The following SLC4A7 variants were observed in gnomAD, a reference collection of about 807,000 sequenced individuals.
SLC4A7 encodes the protein sodium bicarbonate cotransporter 3.
In SLC4A7, 51 loss-of-function variants were observed where a neutral mutation model predicts 137.6. That is an observed-to-expected ratio of 0.37 (90% confidence interval 0.30 to 0.47). SLC4A7 has a LOEUF of 0.47. Ranked by LOEUF, SLC4A7 falls within the 20% of genes least tolerant of loss-of-function variation. The pLI is 1.00. For synonymous variants in SLC4A7, 542 were observed against 518.6 expected (o/e 1.05, Z -0.61); for missense variants, 1,247 against 1,525.4 (o/e 0.82, Z 3.04).
intron 13 of SLC4A7, among the ~76,000 whole-genome samples, chr3:27,406,646 G>A (rs2150182283): frequency 1.3e-5 from 2 of 152,276 alleles, no homozygotes; most frequent in Middle Eastern, 6.8e-3. Flanking sequence ...GGAAAAAAAT[G>A]GGCCGGGCAC....
chr3:27,478,679 G>A (rs547495771), intron 1 of SLC4A7, among the ~76,000 whole-genome samples: 8 of 151,850 alleles, frequency 5.3e-5, no homozygotes, highest in African/African-American at 1.9e-4. Context: ...GAAGAAATCT[G>A]AAAATCTGCT....
chr3:27,401,916 T>C (rs1352547145), intron 15 of SLC4A7, among the ~76,000 whole-genome samples: 1 of 152,148 alleles, frequency 6.6e-6, no homozygotes, highest in African/African-American at 2.4e-5. Flanking sequence ...ATGAAGATAG[T>C]ATATAACAGA....
At chr3:27,395,802 T>C (rs2052092539) in intron 18 of SLC4A7, among the ~76,000 whole-genome samples, 1 of 152,230 alleles carries the variant, frequency 6.6e-6, no homozygotes. Context: ...TTTCCACATG[T>C]TCCTGCATAA....
In SLC4A7 at chr3:27,421,719, C is replaced by G; in HGVS notation, c.1327G>C (p.Gly443Arg). 6.2e-7 allele frequency: 1 copy of G among 1,613,652 alleles called. No individual in the cohort carries two copies. The highest frequency in any genetic ancestry group is 8.5e-7 in the Non-Finnish European group (1 of 1,179,784). The change falls in exon 9 of 26, where the codon GGC becomes CGC. Residue 443 changes from glycine (G) to arginine (R), a missense_variant. Around this residue, in one of 6 missense-constraint regions of SLC4A7, gnomAD observed 499 missense variants for 664.2 expected, o/e 0.75. Coordinates refer to ENST00000454389, the MANE Select transcript of SLC4A7 (RefSeq NM_001321103.2). Reference sequence around the variant, plus strand: ...GGCCTTTCCAAAAAGTCTACTTCGCCCACCAGGACGTTGGATGCCTCAGCA... The same window carrying G: ...GGCCTTTCCAAAAAGTCTACTTCGCGCACCAGGACGTTGGATGCCTCAGCA... ...TGAEASNVLV[G>R]EVDFLERPII...
chr3:27,392,118 A>G (rs1258257563), intron 20 of SLC4A7, among the ~76,000 whole-genome samples: 1 of 152,208 alleles, frequency 6.6e-6, no homozygotes, highest in African/African-American at 2.4e-5. Context: ...TAAAGATTCA[A>G]TGACTTCAAA....
chr3:27,446,894 G>GTTTTTTTT (rs1343210509), intron 3 of SLC4A7, among the ~76,000 whole-genome samples: 8 of 43,452 alleles, frequency 1.8e-4, no homozygotes, highest in Non-Finnish European at 3.4e-4. Flanking sequence ...TGTTTTTTTT[G>GTTTTTTTT]TTTTTTTTAA....
chr3:27,418,535 T>C lies in SLC4A7; in HGVS notation c.1610A>G (p.Glu537Gly), dbSNP rs1262021718. The change falls in exon 11 of 26, where the codon GAG becomes GGG. Residue 537 changes from glutamate (E) to glycine (G), a missense_variant. Physicochemically the swap from Glu to Gly is moderately conservative, Grantham distance 98. Transcript: ENST00000454389. ...TTCTATGCGTATAGAAGGATCCCAC[T>C]CTCCTGGAGGTAGGACAGTTACTTG... ...LDQVTVLPPGEWDPSIRIEPP... is the reference protein window; with the variant it reads ...LDQVTVLPPGGWDPSIRIEPP... 1 of 1,611,358 alleles carries C rather than the reference T, an allele frequency of 6.2e-7. No individual in the cohort carries two copies. Among genetic ancestry groups the C allele is most frequent in the Non-Finnish European group, 8.5e-7 (1 of 1,177,702 alleles).
chr3:27,400,629 T>C lies in SLC4A7; in HGVS notation c.2427+135A>G, dbSNP rs574623816. The stretch of plus-strand genomic sequence containing the variant: ...ACATAAAAAAGTAGCAACTGCTATC[T>C]GGTCAAAATAACACTACATTCTGAA... On this transcript the variant is annotated intron_variant, in intron 16 of 25. Coordinates refer to ENST00000454389, the MANE Select transcript of SLC4A7 (RefSeq NM_001321103.2). 2.4e-5 allele frequency: 14 copies of C among 579,926 alleles called. No individual in the cohort carries two copies. In the Admixed American group the frequency reaches 4.3e-4, roughly 18 times the overall value. The allele number at this position is 579,926 out of a possible 1,614,324, so 35.9% of individuals were successfully genotyped here.
In SLC4A7 at chr3:27,448,708, G is replaced by T. The variant is rs369578431; in HGVS notation, c.232C>A (p.Arg78=). 6.2e-7 allele frequency: 1 copy of T among 1,612,478 alleles called. No individual in the cohort carries two copies. Among genetic ancestry groups the T allele is most frequent in the Non-Finnish European group, 8.5e-7 (1 of 1,178,886 alleles). Residue 78 remains arginine, a synonymous_variant, in exon 3 of 26, where the codon CGG becomes AGG. Transcript: ENST00000454389. Reference sequence around the variant, plus strand: ...TCTGATTCTTTATCTTTTCTTCTCCGGTGGTGATGTTTGTGTCCGCGATGC... The same window carrying T: ...TCTGATTCTTTATCTTTTCTTCTCCTGTGGTGATGTTTGTGTCCGCGATGC... ...HRHRGHKHHH[R]RRKDKESDKE... is the part of the protein sequence containing the mutation.
chr3:27,473,193 G>C (rs2059325586), intron 1 of SLC4A7, among the ~76,000 whole-genome samples: 1 of 152,026 alleles, frequency 6.6e-6, no homozygotes, highest in Middle Eastern at 3.2e-3. Context: ...CAGCTACTTA[G>C]GTGGCTGAGG....
chr3:27,436,113 C>T (rs1392386921), intron 5 of SLC4A7, among the ~76,000 whole-genome samples: 35 of 152,218 alleles, frequency 2.3e-4, no homozygotes, highest in Admixed American at 1.6e-3. Flanking sequence ...CTATTCCCCA[C>T]ATCCCCATTC....
chr3:27,400,879 T>TA lies in SLC4A7; in HGVS notation c.2322-11dup. On this transcript the variant is annotated splice_polypyrimidine_tract_variant and intron_variant, in intron 15 of 25. Transcript: ENST00000454389. Reference sequence around the variant, plus strand: ...TTCAGTACATACACATCTGAGAAATTAGAGTAGGATACATTTTTAAGGATC... The same window carrying TA: ...TTCAGTACATACACATCTGAGAAATTAAGAGTAGGATACATTTTTAAGGATC... 1 of 1,388,052 alleles carries TA rather than the reference T, an allele frequency of 7.2e-7. No homozygotes were observed. The highest frequency in any genetic ancestry group is 1.4e-5 in the African/African-American group (1 of 71,074). The allele number at this position is 1,388,052 out of a possible 1,614,324, so 86.0% of individuals were successfully genotyped here.
chr3:27,470,346 A>G (rs1460705760), intron 1 of SLC4A7, among the ~76,000 whole-genome samples: 1 of 152,148 alleles, frequency 6.6e-6, no homozygotes, highest in South Asian at 2.1e-4. Flanking sequence ...ATTAATATAC[A>G]TGGAACAAGT....
chr3:27,434,174 G>T, intron 5 of SLC4A7, 70 bp from the exon 6 acceptor site: 1 of 1,098,582 alleles, frequency 9.1e-7, no homozygotes, highest in Non-Finnish European at 1.3e-6. Context: ...AACTGTGAGT[G>T]AAACCTTATG....
intron 7 of SLC4A7, among the ~76,000 whole-genome samples, chr3:27,427,306 TA>T (rs1180235432): frequency 1.8e-5 from 2 of 113,032 alleles, no homozygotes; most frequent in Non-Finnish European, 3.6e-5. Context: ...GTACTAAAAA[TA>T]AATTCACTTC....
chr3:27,435,453 G>A (rs1431299297), intron 5 of SLC4A7, among the ~76,000 whole-genome samples: 1 of 152,006 alleles, frequency 6.6e-6, no homozygotes, highest in Non-Finnish European at 1.5e-5. Flanking sequence ...CCTACATTCT[G>A]TTGCCAGAAT....
chr3:27,442,294 T>A lies in SLC4A7; in HGVS notation c.290-4768A>T, dbSNP rs1285525818. On this transcript the variant is annotated intron_variant, in intron 3 of 25. Coordinates refer to ENST00000454389, the MANE Select transcript of SLC4A7 (RefSeq NM_001321103.2). ...TTATATTGAATAGATCTTGTATATC[T>A]TTAGAGAAACATGATCTTTGTTGAA... Among the ~76,000 whole-genome samples, 8 of 152,342 alleles carry A rather than the reference T, an allele frequency of 5.3e-5. No individual in the cohort carries two copies. The South Asian group carries it at 1.7e-3, about 32-fold the overall frequency.
At chr3:27,454,249 T>C (rs1050627003) in intron 1 of SLC4A7, among the ~76,000 whole-genome samples, 2 of 152,186 alleles carry the variant, frequency 1.3e-5, no homozygotes, top group Non-Finnish European at 2.9e-5. Flanking sequence ...GTGGATCACC[T>C]GAGGTCAGGA....
intron 3 of SLC4A7, among the ~76,000 whole-genome samples, chr3:27,442,987 AC>A (rs897347641): frequency 1.4e-3 from 210 of 148,560 alleles, no homozygotes; most frequent in Admixed American, 2.3e-3. Flanking sequence ...CACTAGGGTT[AC>A]AGGCATTAGC....
Sources: allele counts gnomAD v4.1 joint callset (sites outside exome capture counted in the v4.1 genomes callset), GRCh38; gene constraint gnomAD v4.1.1; regional missense constraint gnomAD v4.1.1; transcripts MANE v1.5; gene names NCBI Gene and HGNC (gene_info 2026-07-23, HGNC 2026-07-21).